The following FCHSD2 variants were observed in gnomAD, a reference collection of about 807,000 sequenced individuals.
FCHSD2 encodes the protein F-BAR and double SH3 domains protein 2.
Under a neutral mutation model 108.1 loss-of-function variants are expected in FCHSD2, and 38 were observed. The ratio of observed to expected loss-of-function variants is 0.35; its 90% CI spans 0.27 to 0.46. The LOEUF is 0.46. Among genes scored for constraint, FCHSD2 ranks in the 20% least tolerant of loss-of-function variants. The pLI is 1.00. For missense variants in FCHSD2, 751 were observed against 897.8 expected, an observed-to-expected ratio of 0.84 and a Z score of 2.09; for synonymous variants, 279 against 314.7, an observed-to-expected ratio of 0.89 and a Z score of 1.20.
chr11:73,037,175 C>CAGAGAG (rs1858517758), intron 3 of FCHSD2, among the ~76,000 whole-genome samples: 1 of 152,254 alleles, frequency 6.6e-6, no homozygotes, highest in Admixed American at 6.5e-5. Flanking sequence ...GAGAAAGGTA[C>CAGAGAG]AGAGAGTTCC....
intron 9 of FCHSD2, among the ~76,000 whole-genome samples, chr11:72,908,815 G>A (rs76793820): frequency 0.15 from 23,266 of 151,846 alleles, 2,043 homozygotes; most frequent in South Asian, 0.21. Context: ...ACTATGCCCC[G>A]CTATAGTTTT....
At chr11:72,995,788 T>C (rs1238947981) in intron 5 of FCHSD2, among the ~76,000 whole-genome samples, 1 of 151,574 alleles carries the variant, frequency 6.6e-6, no homozygotes, top group East Asian at 1.9e-4. Context: ...TGCTAATAAC[T>C]TGAATATAAG....
At position 72,949,345 on chromosome 11, in the gene FCHSD2, G is replaced by C. The variant is rs368613716; in HGVS notation, c.706-27395C>G. ...GGTGCCTGTAATCACAGCTACTCAG[G>C]AGGCTGAGACAGGAGAATCACTTGA... On this transcript the variant is annotated intron_variant, in intron 8 of 19. Transcript: ENST00000409418. 1.2e-4 allele frequency among the ~76,000 whole-genome samples: 18 copies of C among 152,212 alleles called. No individual in the cohort carries two copies. In the East Asian group the frequency reaches 2.5e-3, roughly 21 times the overall value.
At chr11:72,993,144 A>C (rs1379782207) in intron 5 of FCHSD2, among the ~76,000 whole-genome samples, 2 of 152,218 alleles carry the variant, frequency 1.3e-5, no homozygotes, top group East Asian at 1.9e-4. Context: ...TGCAGCCAAC[A>C]GACACATGAA....
intron 12 of FCHSD2, among the ~76,000 whole-genome samples, chr11:72,868,776 A>T (rs1364804860): frequency 6.6e-6 from 1 of 152,154 alleles, no homozygotes; most frequent in East Asian, 1.9e-4. Flanking sequence ...AAAAAAAATC[A>T]TACATGATCC....
intron 2 of FCHSD2, among the ~76,000 whole-genome samples, chr11:73,139,826 A>C (rs961932887): frequency 6.6e-6 from 1 of 152,198 alleles, no homozygotes; most frequent in Non-Finnish European, 1.5e-5. Context: ...TCTGAATACT[A>C]TGTGTGCATT....
intron 3 of FCHSD2, among the ~76,000 whole-genome samples, chr11:73,045,022 A>T (rs1361380515): frequency 6.6e-6 from 1 of 151,498 alleles, no homozygotes; most frequent in African/African-American, 2.4e-5. Flanking sequence ...GTGAGCCGAG[A>T]TCGCTCCACT....
intron 8 of FCHSD2, among the ~76,000 whole-genome samples, chr11:72,958,603 G>A (rs1029850226): frequency 1.3e-5 from 2 of 152,124 alleles, no homozygotes; most frequent in Admixed American, 6.5e-5. Context: ...TAATAAGTGA[G>A]TATTTCAATA....
chr11:72,974,153 CA>C (rs1857061913), intron 8 of FCHSD2, among the ~76,000 whole-genome samples: 1 of 152,078 alleles, frequency 6.6e-6, no homozygotes, highest in African/African-American at 2.4e-5. Context: ...TAATTATAAA[CA>C]ACAGACGTTT....
chr11:73,067,922 C>T (rs2135495426), intron 3 of FCHSD2, among the ~76,000 whole-genome samples: 1 of 152,252 alleles, frequency 6.6e-6, no homozygotes, highest in Admixed American at 6.5e-5. Context: ...CTGATAGTTC[C>T]ATGTGGCTTG....
intron 8 of FCHSD2, among the ~76,000 whole-genome samples, chr11:72,962,601 C>CCT (rs1555064769): frequency 2.7e-5 from 4 of 147,882 alleles, no homozygotes; most frequent in African/African-American, 7.4e-5. Flanking sequence ...TAAATTCCCC[C>CCT]TTTTTTTTTT....
intron 3 of FCHSD2, among the ~76,000 whole-genome samples, chr11:73,047,491 C>G (rs899299400): frequency 6.6e-6 from 1 of 152,152 alleles, no homozygotes; most frequent in Non-Finnish European, 1.5e-5. Context: ...GTTTTGGATT[C>G]ACATCCCCAG....
intron 3 of FCHSD2, among the ~76,000 whole-genome samples, chr11:73,029,087 C>T (rs1858298258): frequency 6.6e-6 from 1 of 152,066 alleles, no homozygotes; most frequent in Admixed American, 6.5e-5. Context: ...CCAGAAAGGG[C>T]ACCATAAATA....
chr11:72,897,433 T>C (rs1421672647), intron 10 of FCHSD2, among the ~76,000 whole-genome samples: 1 of 152,068 alleles, frequency 6.6e-6, no homozygotes, highest in Non-Finnish European at 1.5e-5. Flanking sequence ...AGCATTTACA[T>C]TGTATTAGGG....
At chr11:72,908,894 T>G (rs544439461) in intron 9 of FCHSD2, among the ~76,000 whole-genome samples, 16 of 152,306 alleles carry the variant, frequency 1.1e-4, no homozygotes, top group African/African-American at 3.8e-4. Context: ...GCTCAAGCGA[T>G]CTGCCCACCT....
chr11:73,008,671 T>A (rs1321973515), intron 4 of FCHSD2, among the ~76,000 whole-genome samples: 4 of 152,132 alleles, frequency 2.6e-5, no homozygotes, highest in African/African-American at 9.7e-5. Flanking sequence ...GAAAAGAAAT[T>A]TAAATTTATC....
At chr11:73,123,953 A>AAATTTGTTGT (rs1860793496) in intron 2 of FCHSD2, among the ~76,000 whole-genome samples, 2 of 152,230 alleles carry the variant, frequency 1.3e-5, no homozygotes, top group South Asian at 4.1e-4. Context: ...AACAGGCCTT[A>AAATTTGTTGT]ATATTGTATA....
chr11:72,902,530 A>G lies in FCHSD2; in HGVS notation c.924+13T>C, dbSNP rs746980300. The stretch of plus-strand genomic sequence containing the variant: ...TGAACAACACATGAAATGAAAATCT[A>G]TAATTCCCTTACAGTATCACTGTCA... On this transcript the variant is annotated intron_variant, in intron 10 of 19. Coordinates refer to ENST00000409418, the MANE Select transcript of FCHSD2 (RefSeq NM_014824.3). 1.4e-5 allele frequency: 22 copies of G among 1,527,906 alleles called. No individual in the cohort carries two copies. The highest frequency in any genetic ancestry group is 8.4e-5 in the South Asian group (7 of 83,244). The allele number at this position is 1,527,906 out of a possible 1,614,324, so 94.6% of individuals were successfully genotyped here. A position where few individuals can be genotyped will look rare whatever the true frequency, so the allele number is the denominator to read the frequency against.
At chr11:73,068,873 G>C (rs1201443664) in intron 3 of FCHSD2, among the ~76,000 whole-genome samples, 5 of 151,276 alleles carry the variant, frequency 3.3e-5, no homozygotes, top group Non-Finnish European at 1.5e-5. Context: ...AAATCAGCCA[G>C]GTGTGGTGGC....
Sources: gnomAD v4.1 joint callset for allele counts (sites outside exome capture counted in the v4.1 genomes callset) on GRCh38, gnomAD v4.1.1 for gene constraint, MANE v1.5 for transcripts, NCBI Gene and HGNC (gene_info 2026-07-23, HGNC 2026-07-21) for gene names.